Variants in FAM149B1 observed in about 807,000 individuals in gnomAD.
The protein encoded by FAM149B1 is primary cilium assembly protein FAM149B1.
Under a neutral mutation model 75.3 loss-of-function variants are expected in FAM149B1, and 56 were observed. That is an observed-to-expected ratio of 0.74 (90% CI 0.60 to 0.93). The LOEUF (loss-of-function observed/expected upper bound fraction) is 0.93. FAM149B1 is among the 40% of genes least tolerant of loss of function. FAM149B1 has a pLI of 0.00. For synonymous variants in FAM149B1, 259 were observed against 256.1 expected, an observed-to-expected ratio of 1.01 and a Z score of -0.11; for missense variants, 639 against 708.4, an observed-to-expected ratio of 0.90 and a Z score of 1.11.
At chr10:73,236,769 C>G (rs1367078866) in intron 12 of FAM149B1, among the ~76,000 whole-genome samples, 17 of 147,622 alleles carry the variant, frequency 1.2e-4, no homozygotes, top group African/African-American at 4.3e-4. Flanking sequence ...GTTGCCCAGG[C>G]TGGAGTGCAG....
rs1368951053 is a variant in FAM149B1, at chr10:73,191,185, C to T, written c.283-1371C>T. ...CCTCCCAAGTAGCTGGGATTACTGG[C>T]GTGAGCCGTGACGCCCAGCTAATTT... On this transcript the variant is annotated intron_variant, in intron 3 of 13. Coordinates refer to ENST00000242505, the MANE Select transcript of FAM149B1 (RefSeq NM_173348.2). Among the ~76,000 whole-genome samples the T allele has an allele frequency of 4.0e-5, 6 of 151,788 alleles. No homozygotes were observed. In the East Asian group the frequency reaches 5.8e-4, roughly 15 times the overall value.
At chr10:73,237,880 C>T (rs141617606) in intron 12 of FAM149B1, among the ~76,000 whole-genome samples, 9 of 152,264 alleles carry the variant, frequency 5.9e-5, no homozygotes, top group Non-Finnish European at 1.3e-4. Flanking sequence ...TGCACCTCTG[C>T]ACCTGGCTAA....
Position 73,242,357 on chromosome 10 carries a change from A to G in FAM149B1, c.*1338A>G, listed in dbSNP as rs1453539928. The G allele has an allele frequency of 6.6e-6, 1 of 152,142 alleles. No homozygotes were observed. The highest frequency in any genetic ancestry group is 1.5e-5 in the Non-Finnish European group (1 of 68,026). 9.4% of individuals were successfully genotyped at this position (152,142 alleles called of 1,614,324 possible). A position where few individuals can be genotyped will look rare whatever the true frequency, so the allele number is the denominator to read the frequency against. On this transcript the variant is annotated 3_prime_UTR_variant, in exon 14 of 14. Transcript: ENST00000242505. ...ATGAAAATCTCTATTGTTCTCACAA[A>G]CCATTACCATGAGTTCACTATAACA...
chr10:73,178,229 C>T (rs1009681372), intron 3 of FAM149B1, among the ~76,000 whole-genome samples: 3 of 152,150 alleles, frequency 2.0e-5, no homozygotes, highest in African/African-American at 7.2e-5. Flanking sequence ...CGGTGGCTCA[C>T]GCCTGCAATC....
At chr10:73,201,668 G>A (rs2042941515) in intron 5 of FAM149B1, among the ~76,000 whole-genome samples, 1 of 152,046 alleles carries the variant, frequency 6.6e-6, no homozygotes, top group South Asian at 2.1e-4. Flanking sequence ...TTTTTTAGAA[G>A]GCATTCGAAT....
At chr10:73,179,202 A>G (rs1302661658) in intron 3 of FAM149B1, among the ~76,000 whole-genome samples, 1 of 152,042 alleles carries the variant, frequency 6.6e-6, no homozygotes, top group East Asian at 1.9e-4. Flanking sequence ...TGACCTTGTA[A>G]TCTGCCCGCC....
At position 73,238,396 on chromosome 10, in the gene FAM149B1, C is replaced by G. The variant is rs548021250; in HGVS notation, c.1603-916C>G. On this transcript the variant is annotated intron_variant, in intron 12 of 13. Transcript: ENST00000242505. ...GCTGTCCTGGGCCTGGCACTACAGA[C>G]TAGCACTTTGCTCCTTGCTGTTTTC... Among the ~76,000 whole-genome samples, 3 of 152,366 alleles carry G rather than the reference C, an allele frequency of 2.0e-5. No homozygotes were observed. The South Asian group carries it at 6.2e-4, about 32-fold the overall frequency.
chr10:73,169,359 G>C (rs754954759), intron 1 of FAM149B1, among the ~76,000 whole-genome samples: 2 of 151,588 alleles, frequency 1.3e-5, no homozygotes, highest in African/African-American at 2.4e-5. Flanking sequence ...AAAATAAAAA[G>C]AGCTGCCCCC....
chr10:73,205,612 G>C (rs574942931), intron 5 of FAM149B1, among the ~76,000 whole-genome samples: 1 of 152,100 alleles, frequency 6.6e-6, no homozygotes, highest in Admixed American at 6.5e-5. Context: ...GGAGTGCAGT[G>C]GTGTGATCTA....
At chr10:73,184,633 C>A (rs1420572393) in intron 3 of FAM149B1, among the ~76,000 whole-genome samples, 1 of 152,136 alleles carries the variant, frequency 6.6e-6, no homozygotes, top group Non-Finnish European at 1.5e-5. Context: ...GTTGGGATAT[C>A]CTCAAATATT....
At chr10:73,207,939 T>G (rs2043104025) in intron 5 of FAM149B1, among the ~76,000 whole-genome samples, 1 of 152,248 alleles carries the variant, frequency 6.6e-6, no homozygotes, top group South Asian at 2.1e-4. Flanking sequence ...AACACTGGAA[T>G]GAGTCAAGAC....
chr10:73,192,377 C>T (rs1279634933), intron 3 of FAM149B1, 179 bp from the exon 4 acceptor site: 2 of 603,288 alleles, frequency 3.3e-6, no homozygotes, highest in Non-Finnish European at 5.6e-6. Flanking sequence ...GGAGAAGATA[C>T]CTGAAAATTC....
intron 7 of FAM149B1, among the ~76,000 whole-genome samples, chr10:73,224,717 C>G (rs1047583134): frequency 1.3e-5 from 2 of 152,074 alleles, no homozygotes; most frequent in African/African-American, 4.8e-5. Context: ...GGTGATCTGC[C>G]CACCTCGGCC....
At chr10:73,171,981 A>G (rs1224010811) in intron 1 of FAM149B1, among the ~76,000 whole-genome samples, 1 of 152,104 alleles carries the variant, frequency 6.6e-6, no homozygotes, top group Non-Finnish European at 1.5e-5. Flanking sequence ...ACGAAAGCAA[A>G]ACTGCAGATA....
intron 1 of FAM149B1, among the ~76,000 whole-genome samples, chr10:73,170,175 C>T (rs965033545): frequency 6.6e-6 from 1 of 152,094 alleles, no homozygotes; most frequent in Non-Finnish European, 1.5e-5. Flanking sequence ...ACTGAGCCTT[C>T]GTTTCTGCAA....
At chr10:73,233,799 GGAACATA>G (rs1347376093) in intron 10 of FAM149B1, among the ~76,000 whole-genome samples, 3 of 152,108 alleles carry the variant, frequency 2.0e-5, no homozygotes, top group African/African-American at 4.8e-5. Context: ...TTCCGTGCTG[GGAACATA>G]TTCAGTGAAA....
Position 73,243,174 on chromosome 10 carries a change from C to T in FAM149B1, c.*2155C>T. The T allele has an allele frequency of 2.0e-6, 1 of 497,640 alleles. No homozygotes were observed. The highest frequency in any genetic ancestry group is 3.6e-6 in the Non-Finnish European group (1 of 278,940). The allele number at this position is 497,640 out of a possible 1,614,324, so 30.8% of individuals were successfully genotyped here. On this transcript the variant is annotated 3_prime_UTR_variant, in exon 14 of 14. Coordinates refer to ENST00000242505, the MANE Select transcript of FAM149B1 (RefSeq NM_173348.2). ...TGCCTCCCTCCACCCTCCCAAATGT[C>T]ACCACCAAGTTCCTTCAGGTGAGAC...
chr10:73,180,043 A>G (rs1408083994), intron 3 of FAM149B1, among the ~76,000 whole-genome samples: 1 of 152,116 alleles, frequency 6.6e-6, no homozygotes, highest in Non-Finnish European at 1.5e-5. Flanking sequence ...GACTTACATG[A>G]TTCAATAGTC....
intron 2 of FAM149B1, 87 bp from the exon 3 acceptor site, chr10:73,177,759 A>C (rs781413552): frequency 9.4e-6 from 11 of 1,172,574 alleles, no homozygotes; most frequent in Non-Finnish European, 1.2e-5. Context: ...ATCACCTAGT[A>C]AGTTGCTGAG....
Sources: gnomAD v4.1 joint callset for allele counts (sites outside exome capture counted in the v4.1 genomes callset) on GRCh38, gnomAD v4.1.1 for gene constraint, MANE v1.5 for transcripts, NCBI Gene and HGNC (gene_info 2026-07-23, HGNC 2026-07-21) for gene names.